The following NKD1 variants were observed in gnomAD, a reference collection of about 807,000 sequenced individuals.
NKD1 encodes NKD inhibitor of Wnt signaling pathway 1, also known as protein naked cuticle homolog 1.
NKD1 carries 21 observed loss-of-function variants against 56.0 expected under a neutral mutation model. The ratio of observed to expected loss-of-function variants is 0.38; its 90% CI spans 0.27 to 0.54. NKD1 has a LOEUF of 0.54. Ranked by LOEUF, NKD1 falls within the 20% of genes least tolerant of loss-of-function variation. The pLI is 0.82. For missense variants in NKD1, 578 were observed against 642.7 expected (o/e 0.90, Z 1.09); for synonymous variants, 263 against 265.7 (o/e 0.99, Z 0.10).
chr16:50,574,540 C>T, intron 3 of NKD1: 21 of 985,430 alleles, frequency 2.1e-5, no homozygotes, highest in Non-Finnish European at 2.5e-5. Context: ...GGCCGAATGG[C>T]AGTGCAGCGT....
In NKD1 at chr16:50,588,598, CTTTTTTTTTTTT is replaced by C. The variant is rs574622414; in HGVS notation, c.193-19683_193-19672del. Among the ~76,000 whole-genome samples the C allele has an allele frequency of 1.4e-4, 13 of 94,680 alleles. No individual in the cohort carries two copies. In the East Asian group the frequency reaches 1.4e-3, roughly 10 times the overall value. The allele number at this position is 94,680 out of a possible 152,430, so 62.1% of individuals were successfully genotyped here. On this transcript the variant is annotated intron_variant, in intron 3 of 9. Transcript: ENST00000268459. ...GTTTCTTTTCTTTTCTTTTCTTCTG[CTTTTTTTTTTTT>C]TTTTTTTTTTTTGACAGAGTCTTGC...
At position 50,562,983 on chromosome 16, in the gene NKD1, A is replaced by ACCCCCCCCCCCCCCCCCCCCC. The variant is rs1483596865; in HGVS notation, c.192+13430_192+13431insCCCCCCCCCCCCCCCCCCCCC. Among the ~76,000 whole-genome samples, 6 of 53,492 alleles carry ACCCCCCCCCCCCCCCCCCCCC rather than the reference A, an allele frequency of 1.1e-4. 2 individuals carry two copies. The highest frequency in any genetic ancestry group is 6.0e-4 in the African/African-American group (6 of 10,000). 35.1% of individuals were successfully genotyped at this position (53,492 alleles called of 152,430 possible). A position where few individuals can be genotyped will look rare whatever the true frequency, so the allele number is the denominator to read the frequency against. On this transcript the variant is annotated intron_variant, in intron 3 of 9. Coordinates refer to ENST00000268459, the MANE Select transcript of NKD1 (RefSeq NM_033119.5). Reference sequence around the variant, plus strand: ...CTTGAAAGGGCTGCTAGGTCCCACCACCACCCCCCCCCCCCGCCGTAGAAT... The same window carrying ACCCCCCCCCCCCCCCCCCCCC: ...CTTGAAAGGGCTGCTAGGTCCCACCACCCCCCCCCCCCCCCCCCCCCCCACCCCCCCCCCCCGCCGTAGAAT...
In NKD1 at chr16:50,564,907, T is replaced by G. The variant is rs1960724440; in HGVS notation, c.192+15352T>G. Among the ~76,000 whole-genome samples, 4 of 152,316 alleles carry G rather than the reference T, an allele frequency of 2.6e-5. 1 individual carries two copies. The South Asian group carries it at 8.3e-4, about 32-fold the overall frequency. Reference sequence around the variant, plus strand: ...CCTCCGCCCACCTCCACCTCCCAGCTTCCCCCTTTGGAGGTATCTGCTGTA... The same window carrying G: ...CCTCCGCCCACCTCCACCTCCCAGCGTCCCCCTTTGGAGGTATCTGCTGTA... On this transcript the variant is annotated intron_variant, in intron 3 of 9. Coordinates refer to ENST00000268459, the MANE Select transcript of NKD1 (RefSeq NM_033119.5).
chr16:50,563,768 C>T (rs890511163), intron 3 of NKD1, among the ~76,000 whole-genome samples: 1 of 144,374 alleles, frequency 6.9e-6, no homozygotes, highest in Non-Finnish European at 1.5e-5. Flanking sequence ...GCTCCATCCT[C>T]AGTGGGCACA....
chr16:50,630,317 C>T lies in NKD1; in HGVS notation c.594C>T (p.Val198=), dbSNP rs959173133. 6.2e-7 allele frequency: 1 copy of T among 1,614,130 alleles called. No homozygotes were observed. Among genetic ancestry groups the T allele is most frequent in the Non-Finnish European group, 8.5e-7 (1 of 1,180,022 alleles). The change falls in exon 7 of 10, where the codon GTC becomes GTT. Residue 198 remains valine, a synonymous_variant. Transcript: ENST00000268459. ...ATGGCAGCCAGAGCAAGAGGAGCGT[C>T]CTTGTCAATCAGGCTGGTGAGGGCT... ...APDGSQSKRS[V]LVNQADLQSA...
chr16:50,589,238 A>G (rs2151271308), intron 3 of NKD1, among the ~76,000 whole-genome samples: 1 of 152,236 alleles, frequency 6.6e-6, no homozygotes, highest in South Asian at 2.1e-4. Flanking sequence ...CCTTTTTAAT[A>G]CTATTTCTCA....
intron 1 of NKD1, 21 bp downstream of exon 1, chr16:50,548,599 G>T (rs1488686426): frequency 1.4e-6 from 2 of 1,454,920 alleles, no homozygotes; most frequent in African/African-American, 1.5e-5. Context: ...CCGCCCGCGC[G>T]CTCGCCCCGG....
intron 3 of NKD1, among the ~76,000 whole-genome samples, chr16:50,549,963 A>G (rs934559075): frequency 1.1e-4 from 16 of 152,272 alleles, no homozygotes; most frequent in African/African-American, 3.9e-4. Context: ...TGCTGGCCCC[A>G]GGATCTGAAT....
rs1010709009 is a variant in NKD1, at chr16:50,641,140, C to T, written c.*7359C>T. 1 of 152,338 alleles carries T rather than the reference C, an allele frequency of 6.6e-6. No individual in the cohort carries two copies. The highest frequency in any genetic ancestry group is 2.4e-5 in the African/African-American group (1 of 41,452). 9.4% of individuals were successfully genotyped at this position (152,338 alleles called of 1,614,324 possible). On this transcript the variant is annotated 3_prime_UTR_variant, in exon 10 of 10. Coordinates refer to ENST00000268459, the MANE Select transcript of NKD1 (RefSeq NM_033119.5). The stretch of plus-strand genomic sequence containing the variant: ...CTGGAGAGGGGGCTTCTGCAACCTC[C>T]AACACTGGTCAGTAACTCCACAGAG...
In NKD1 at chr16:50,648,037, C is replaced by T. The variant is rs1962711521; in HGVS notation, c.*14256C>T. The T allele has an allele frequency of 6.6e-6, 1 of 152,256 alleles. No individual in the cohort carries two copies. Among genetic ancestry groups the T allele is most frequent in the Non-Finnish European group, 1.5e-5 (1 of 68,048 alleles). 9.4% of individuals were successfully genotyped at this position (152,256 alleles called of 1,614,324 possible). A position where few individuals can be genotyped will look rare whatever the true frequency, so the allele number is the denominator to read the frequency against. On this transcript the variant is annotated 3_prime_UTR_variant, in exon 10 of 10. Transcript: ENST00000268459. ...GCTCAGCGTCCACCTCTACCTGACACCCTGCCAGCAACCTGGGTGATTTCC... is the reference window on the plus strand; with the variant it reads ...GCTCAGCGTCCACCTCTACCTGACATCCTGCCAGCAACCTGGGTGATTTCC...
intron 3 of NKD1, among the ~76,000 whole-genome samples, chr16:50,585,175 T>A (rs1961200477): frequency 6.6e-6 from 1 of 152,214 alleles, no homozygotes; most frequent in Admixed American, 6.5e-5. Flanking sequence ...GGGAAACCTG[T>A]CATTAGATTC....
At chr16:50,576,402 A>G (rs961986044) in intron 3 of NKD1, among the ~76,000 whole-genome samples, 2 of 152,256 alleles carry the variant, frequency 1.3e-5, no homozygotes, top group Non-Finnish European at 2.9e-5. Context: ...TTAAATATTG[A>G]TAATGAATGA....
chr16:50,561,079 A>C (rs1168278807), intron 3 of NKD1, among the ~76,000 whole-genome samples: 2 of 152,134 alleles, frequency 1.3e-5, no homozygotes. Context: ...GGCCTGGGTC[A>C]GTGCTCCCAG....
intron 2 of NKD1, 88 bp from the exon 3 acceptor site, chr16:50,549,334 C>T (rs1212305092): frequency 4.6e-6 from 7 of 1,518,284 alleles, no homozygotes; most frequent in African/African-American, 2.8e-5. Context: ...GGTCCTTCGC[C>T]TCCCACCGCG....
chr16:50,571,460 C>T lies in NKD1; in HGVS notation c.192+21905C>T, dbSNP rs190760928. 526 of 985,150 alleles carry T rather than the reference C, an allele frequency of 5.3e-4. 2 individuals are homozygous for T. The highest frequency in any genetic ancestry group is 6.0e-4 in the Non-Finnish European group (498 of 829,834). The allele number at this position is 985,150 out of a possible 1,614,324, so 61.0% of individuals were successfully genotyped here. On this transcript the variant is annotated intron_variant, in intron 3 of 9. Transcript: ENST00000268459. Reference sequence around the variant, plus strand: ...TCCGAAGACCTGGGTGCCCTCCACTCACTGCCGCTCACACACCCAAACAGC... The same window carrying T: ...TCCGAAGACCTGGGTGCCCTCCACTTACTGCCGCTCACACACCCAAACAGC...
At position 50,597,266 on chromosome 16, in the gene NKD1, A is replaced by G. The variant is rs112409813; in HGVS notation, c.193-11028A>G. Among the ~76,000 whole-genome samples the G allele has an allele frequency of 3.6e-3, 544 of 152,056 alleles. 7 individuals are homozygous for G. Among genetic ancestry groups the G allele is most frequent in the African/African-American group, 0.012 (494 of 41,464 alleles). On this transcript the variant is annotated intron_variant, in intron 3 of 9. Transcript: ENST00000268459. ...TCTGGCCAGAGTGAAGGAAGCAGGG[A>G]GCTGCCCTGTGTACACAGGGAAGGC...
At chr16:50,581,802 G>A (rs970754710) in intron 3 of NKD1, among the ~76,000 whole-genome samples, 1 of 152,212 alleles carries the variant, frequency 6.6e-6, no homozygotes, top group African/African-American at 2.4e-5. Context: ...AGAGGAGTGG[G>A]ACCTGGGGAG....
chr16:50,625,381 G>C, intron 5 of NKD1, 104 bp from the exon 6 acceptor site: 1 of 791,192 alleles, frequency 1.3e-6, no homozygotes, highest in South Asian at 1.4e-5. Context: ...GAGGGCAGAG[G>C]ACAGGTGGCC....
chr16:50,559,571 G>A (rs916084569), intron 3 of NKD1, among the ~76,000 whole-genome samples: 1 of 152,110 alleles, frequency 6.6e-6, no homozygotes, highest in Non-Finnish European at 1.5e-5. Context: ...ATGTGGTGCA[G>A]CAGCAGGGAG....
Sources: allele counts gnomAD v4.1 joint callset (sites outside exome capture counted in the v4.1 genomes callset), GRCh38; gene constraint gnomAD v4.1.1; transcripts MANE v1.5; gene names NCBI Gene and HGNC (gene_info 2026-07-23, HGNC 2026-07-21).